The following DOLPP1 variants were observed in gnomAD, a reference collection of about 807,000 sequenced individuals.
DOLPP1 encodes the protein dolichyldiphosphatase 1.
DOLPP1 carries 15 observed loss-of-function variants against 34.1 expected under a neutral mutation model. That is an observed-to-expected ratio of 0.44 (90% CI 0.29 to 0.68). The LOEUF is 0.68. Ranked by LOEUF, DOLPP1 falls within the 30% of genes least tolerant of loss-of-function variation. DOLPP1 has a pLI of 0.12. For synonymous variants in DOLPP1, 130 were observed against 128.2 expected (o/e 1.01, Z -0.10); for missense variants, 249 against 307.1 (o/e 0.81, Z 1.41).
intron 6 of DOLPP1, 37 bp from the exon 7 acceptor site, chr9:129,086,672 T>C (rs751763724): frequency 1.3e-6 from 2 of 1,591,736 alleles, no homozygotes; most frequent in East Asian, 2.2e-5. Context: ...ACTCATGCCC[T>C]GATGTGCCCC....
At chr9:129,088,074 A>G (rs1357464774) in intron 7 of DOLPP1, among the ~76,000 whole-genome samples, 1 of 148,468 alleles carries the variant, frequency 6.7e-6, no homozygotes, top group East Asian at 2.0e-4. Context: ...TGCCTATGTG[A>G]TCAGTGCTGT....
intron 7 of DOLPP1, 145 bp from the exon 8 acceptor site, chr9:129,088,826 G>A (rs1847042391): frequency 2.8e-6 from 2 of 722,972 alleles, no homozygotes; most frequent in Non-Finnish European, 4.8e-6. Context: ...CAGGGCAGGT[G>A]CTCTGATTGG....
In DOLPP1 at chr9:129,085,546, C is replaced by T; in HGVS notation, c.391C>T (p.Leu131=). Residue 131 remains leucine, a synonymous_variant, in exon 5 of 8, where the codon CTG becomes TTG. Coordinates refer to ENST00000372546, the MANE Select transcript of DOLPP1 (RefSeq NM_020438.5). The surrounding 1 kb of genome is among the most constrained non-coding windows in gnomAD (Gnocchi z 7.0). Reference sequence around the variant, plus strand: ...GCACCAAACAAACAACGCCAGGTTCCTGGACTTGCTGTGGAGGCACGTGCT... The same window carrying T: ...GCACCAAACAAACAACGCCAGGTTCTTGGACTTGCTGTGGAGGCACGTGCT... ...RMHQTNNARF[L]DLLWRHVLSL... The T allele has an allele frequency of 6.2e-7, 1 of 1,613,716 alleles. No homozygotes were observed. The highest frequency in any genetic ancestry group is 8.5e-7 in the Non-Finnish European group (1 of 1,179,956).
rs1304183733 is a variant in DOLPP1 at position 129,086,693 on chromosome 9, A to T, written c.591-16A>T. 1 of 1,610,984 alleles carries T rather than the reference A, an allele frequency of 6.2e-7. No homozygotes were observed. Among genetic ancestry groups the T allele is most frequent in the Admixed American group, 1.7e-5 (1 of 59,982 alleles). ...GCCCTGATGTGCCCCTGGCTCTCTG[A>T]TGTCTGTCTCTCCAGGCCTGTCTCC... On this transcript the variant is annotated splice_polypyrimidine_tract_variant and intron_variant, in intron 6 of 7. Transcript: ENST00000372546.
chr9:129,088,718 C>T (rs17481547), intron 7 of DOLPP1, among the ~76,000 whole-genome samples: 2,252 of 152,326 alleles, frequency 0.015, 57 homozygotes, highest in East Asian at 0.11. Flanking sequence ...GTCCCTACCC[C>T]TGCTCCAATC....
At chr9:129,086,617 C>T (rs1444521457) in intron 6 of DOLPP1, 92 bp from the exon 7 acceptor site, 20 of 1,334,180 alleles carry the variant, frequency 1.5e-5, no homozygotes, top group Middle Eastern at 1.8e-4. Context: ...GGGCGGGTGC[C>T]GTGCCAGCCC....
chr9:129,085,028 C>G lies in DOLPP1; in HGVS notation c.183C>G (p.Ser61=), dbSNP rs773164385. ...CCATGCGTCTTCCCCAGCAGATCTC[C>G]TTCCTTGGGGGCCTGGCACTGAACG... The part of the protein sequence containing the change: ...IIFKRELHTI[S]FLGGLALNEG... Residue 61 remains serine, a synonymous_variant, in exon 3 of 8, where the codon TCC becomes TCG. Transcript: ENST00000372546. This position sits in a 1 kb window ranked among gnomAD's most constrained non-coding sequence, Gnocchi z 7.0. The G allele has an allele frequency of 6.4e-7, 1 of 1,566,210 alleles. No homozygotes were observed. The highest frequency in any genetic ancestry group is 2.2e-5 in the East Asian group (1 of 44,568).
At chr9:129,086,393 G>C (rs1021325892) in intron 6 of DOLPP1, 126 bp downstream of exon 6, 1 of 1,262,524 alleles carries the variant, frequency 7.9e-7, no homozygotes, top group Non-Finnish European at 1.1e-6. Flanking sequence ...CAGTGCCCCA[G>C]GGTTTGTGGC....
At chr9:129,084,930 C>A in intron 2 of DOLPP1, 93 bp from the exon 3 acceptor site, 1 of 1,422,208 alleles carries the variant, frequency 7.0e-7, no homozygotes, top group Non-Finnish European at 9.7e-7. Context: ...ACCTGTTGGG[C>A]TGGGAGGTTC....
intron 1 of DOLPP1, 94 bp downstream of exon 1, chr9:129,081,301 G>A (rs1028063236): frequency 6.7e-7 from 1 of 1,485,214 alleles, no homozygotes; most frequent in Non-Finnish European, 9.1e-7. Flanking sequence ...AGGGGGCGCC[G>A]GGGGACCGGG....
chr9:129,088,870 G>A, intron 7 of DOLPP1, 101 bp from the exon 8 acceptor site: 1 of 1,189,714 alleles, frequency 8.4e-7, no homozygotes, highest in Non-Finnish European at 1.2e-6. Context: ...TACTGGGTGT[G>A]GGCATTTGCC....
In DOLPP1 at chr9:129,086,150, T is replaced by G; in HGVS notation, c.473T>G (p.Leu158Arg). The G allele has an allele frequency of 6.2e-7, 1 of 1,613,372 alleles. No individual in the cohort carries two copies. Among genetic ancestry groups the G allele is most frequent in the African/African-American group, 1.3e-5 (1 of 75,070 alleles). ...FLVSYSRVYL[L>R]YHTWSQVLYG... ...TGGCCTTGGCCCAGGGTCTACCTGC[T>G]GTACCACACCTGGAGCCAGGTGCTC... Residue 158 changes from leucine (L) to arginine (R), a missense_variant, in exon 6 of 8, where the codon CTG becomes CGG. Leu to Arg is a moderately radical substitution (Grantham distance 102, BLOSUM62 -2). Coordinates refer to ENST00000372546, the MANE Select transcript of DOLPP1 (RefSeq NM_020438.5).
In DOLPP1 at chr9:129,085,280, C is replaced by G; in HGVS notation, c.336C>G (p.Val112=). ...CCCAGTTTATGTGGTTCTTCTCCGT[C>G]TATTCCTTCCTTTTCCTGTATTTAA... ...SHSQFMWFFS[V]YSFLFLYLRM... The change falls in exon 4 of 8, where the codon GTC becomes GTG. Residue 112 remains valine, a synonymous_variant. Coordinates refer to ENST00000372546, the MANE Select transcript of DOLPP1 (RefSeq NM_020438.5). The surrounding 1 kb of genome is among the most constrained non-coding windows in gnomAD (Gnocchi z 7.0). The G allele has an allele frequency of 6.2e-7, 1 of 1,614,072 alleles. No homozygotes were observed.
chr9:129,086,964 GGAGAA>G (rs1026133714), intron 7 of DOLPP1, among the ~76,000 whole-genome samples, 166 bp downstream of exon 7: 3 of 152,238 alleles, frequency 2.0e-5, no homozygotes, highest in African/African-American at 7.2e-5. Flanking sequence ...ACTGAAGCTT[GGAGAA>G]GAGAAGTCAC....
At chr9:129,086,090 G>T in intron 5 of DOLPP1, 49 bp from the exon 6 acceptor site, 6 of 1,595,406 alleles carry the variant, frequency 3.8e-6, no homozygotes, top group South Asian at 3.3e-5. Context: ...GATTGTGCGG[G>T]CCTGTGTCTG....
intron 1 of DOLPP1, among the ~76,000 whole-genome samples, chr9:129,083,025 A>G (rs1846919440): frequency 6.6e-6 from 1 of 152,114 alleles, no homozygotes; most frequent in Admixed American, 6.5e-5. Flanking sequence ...GTGGGGGGAA[A>G]CTGTGTGCAA....
intron 1 of DOLPP1, 109 bp downstream of exon 1, chr9:129,081,316 G>C (rs1206040439): frequency 4.3e-6 from 6 of 1,410,522 alleles, no homozygotes; most frequent in Non-Finnish European, 3.8e-6. Context: ...ACCGGGGTGG[G>C]AACTGTCAAA....
rs1435285613 is a variant in DOLPP1 at position 129,090,014 on chromosome 9, A to G, written c.*1007A>G. ...CTGGGGTGTGGGCTCACAGATCCCT[A>G]TCAGCCTGGTTCGTGGGAGGGCTCT... On this transcript the variant is annotated 3_prime_UTR_variant, in exon 8 of 8. Transcript: ENST00000372546. 1 of 152,344 alleles carries G rather than the reference A, an allele frequency of 6.6e-6. No homozygotes were observed. The highest frequency in any genetic ancestry group is 1.5e-5 in the Non-Finnish European group (1 of 68,024). 9.4% of individuals were successfully genotyped at this position (152,344 alleles called of 1,614,324 possible).
intron 1 of DOLPP1, among the ~76,000 whole-genome samples, chr9:129,084,262 G>A (rs1846942309): frequency 6.6e-6 from 1 of 152,228 alleles, no homozygotes; most frequent in Non-Finnish European, 1.5e-5. Context: ...GAGTCACCAG[G>A]CCGGGTTCAC....
Sources: allele counts gnomAD v4.1 joint callset (sites outside exome capture counted in the v4.1 genomes callset), GRCh38; gene constraint gnomAD v4.1.1; non-coding constraint Gnocchi (gnomAD v3.1); transcripts MANE v1.5; gene names NCBI Gene and HGNC (gene_info 2026-07-23, HGNC 2026-07-21).